The following FKBP6 variants were observed in gnomAD, a reference collection of about 807,000 sequenced individuals.
FKBP6 encodes the protein FKBP prolyl isomerase family member 6 (inactive).
A neutral mutation model predicts 41.7 loss-of-function variants in FKBP6; 29 were observed. The ratio of observed to expected loss-of-function variants is 0.70; its 90% CI spans 0.52 to 0.95. The LOEUF is 0.95. FKBP6 is among the 40% of genes least tolerant of loss of function. The pLI, the probability that FKBP6 is intolerant of heterozygous loss-of-function variation, is 0.00. For synonymous variants in FKBP6, 130 were observed against 165.1 expected (o/e 0.79, Z 1.63); for missense variants, 338 against 408.7 (o/e 0.83, Z 1.49).
At chr7:73,354,795 C>A (rs886617202) in intron 8 of FKBP6, among the ~76,000 whole-genome samples, 15 of 152,192 alleles carry the variant, frequency 9.9e-5, no homozygotes, top group African/African-American at 2.7e-4. Context: ...GTTCCAGGGT[C>A]TTCTCACCAG....
At chr7:73,345,965 A>G (rs1451908838) in intron 8 of FKBP6, among the ~76,000 whole-genome samples, 2 of 152,086 alleles carry the variant, frequency 1.3e-5, no homozygotes, top group Admixed American at 6.6e-5. Context: ...TAAAGGGAGA[A>G]ATTAGATCAC....
chr7:73,343,242 G>C (rs186005472), intron 8 of FKBP6, among the ~76,000 whole-genome samples: 1 of 152,300 alleles, frequency 6.6e-6, no homozygotes, highest in East Asian at 1.9e-4. Context: ...TGCAAGCTCC[G>C]CCTCCCAGGT....
At chr7:73,338,562 C>G (rs1805077641) in intron 5 of FKBP6, among the ~76,000 whole-genome samples, 1 of 152,176 alleles carries the variant, frequency 6.6e-6, no homozygotes, top group Non-Finnish European at 1.5e-5. Context: ...AAACTGCTTC[C>G]TACAGCAGCT....
intron 8 of FKBP6, among the ~76,000 whole-genome samples, chr7:73,345,452 C>T (rs564438181): frequency 1.3e-3 from 199 of 152,248 alleles, no homozygotes; most frequent in African/African-American, 4.5e-3. Context: ...AAAGTCCCTC[C>T]TCTTCCTGCC....
At chr7:73,339,089 T>TA (rs1246559246) in intron 5 of FKBP6, 3 of 152,226 alleles carry the variant, frequency 2.0e-5, no homozygotes, top group African/African-American at 7.2e-5. Context: ...GATAGTTTTT[T>TA]AAAAAAATAT....
chr7:73,338,280 C>A (rs1805068791), intron 5 of FKBP6, among the ~76,000 whole-genome samples: 1 of 152,196 alleles, frequency 6.6e-6, no homozygotes, highest in Non-Finnish European at 1.5e-5. Flanking sequence ...CCCACCTCAG[C>A]CTCCCAAAGT....
chr7:73,335,039 C>T (rs1554548297), intron 5 of FKBP6, among the ~76,000 whole-genome samples: 1 of 150,404 alleles, frequency 6.6e-6, no homozygotes, highest in Non-Finnish European at 1.5e-5. Flanking sequence ...GATGCTTCTA[C>T]TGAATTATGT....
chr7:73,330,885 C>T (rs971398239), intron 4 of FKBP6, among the ~76,000 whole-genome samples: 1 of 152,154 alleles, frequency 6.6e-6, no homozygotes, highest in Non-Finnish European at 1.5e-5. Context: ...AACCCTGTCC[C>T]GTAGATGCAG....
rs1805690684 is a variant in FKBP6, at chr7:73,358,249, C to T, written c.*71C>T. The T allele has an allele frequency of 6.6e-6, 1 of 152,108 alleles. No individual in the cohort carries two copies. Among genetic ancestry groups the T allele is most frequent in the Non-Finnish European group, 1.5e-5 (1 of 68,022 alleles). 9.4% of individuals were successfully genotyped at this position (152,108 alleles called of 1,614,324 possible). A position where few individuals can be genotyped will look rare whatever the true frequency, so the allele number is the denominator to read the frequency against. On this transcript the variant is annotated 3_prime_UTR_variant, in exon 9 of 9. Transcript: ENST00000252037. ...CATTGGGGGAGTGGAAGGGAGCTCC[C>T]AGCGCAGCCGTGGCAGCCACCTTCC...
At chr7:73,330,559 C>T (rs782746151) in intron 4 of FKBP6, among the ~76,000 whole-genome samples, 1 of 152,140 alleles carries the variant, frequency 6.6e-6, no homozygotes, top group African/African-American at 2.4e-5. Context: ...ATGTGCTGGG[C>T]AAGGTAAGGC....
At chr7:73,331,056 C>T (rs1554547605) in intron 4 of FKBP6, among the ~76,000 whole-genome samples, 1 of 152,182 alleles carries the variant, frequency 6.6e-6, no homozygotes, top group Non-Finnish European at 1.5e-5. Context: ...CACCCTTTTT[C>T]ATCATTCTGA....
intron 8 of FKBP6, among the ~76,000 whole-genome samples, chr7:73,349,574 C>T (rs1159420558): frequency 6.8e-6 from 1 of 147,136 alleles, no homozygotes; most frequent in Non-Finnish European, 1.5e-5. Context: ...AAAATACAGG[C>T]GTGGTGGCGC....
At chr7:73,340,999 C>T (rs1382520098) in intron 6 of FKBP6, among the ~76,000 whole-genome samples, 167 bp downstream of exon 6, 3 of 149,672 alleles carry the variant, frequency 2.0e-5, no homozygotes, top group African/African-American at 7.4e-5. Flanking sequence ...ATTCGGCTCG[C>T]TGCAACCTCC....
At chr7:73,352,150 G>A (rs1805506487) in intron 8 of FKBP6, among the ~76,000 whole-genome samples, 1 of 152,070 alleles carries the variant, frequency 6.6e-6, no homozygotes, top group South Asian at 2.1e-4. Context: ...TATTTTGTAA[G>A]ATGGGGTCTC....
chr7:73,332,121 C>G (rs916162278), intron 5 of FKBP6, among the ~76,000 whole-genome samples: 28 of 152,198 alleles, frequency 1.8e-4, no homozygotes, highest in South Asian at 4.2e-4. Context: ...ACCTCGGCCT[C>G]CCAAAGTGCT....
intron 8 of FKBP6, among the ~76,000 whole-genome samples, chr7:73,356,237 C>T (rs1554551923): frequency 6.6e-6 from 1 of 152,088 alleles, no homozygotes; most frequent in South Asian, 2.1e-4. Context: ...TCCATCCTGT[C>T]AGGATATGGA....
At chr7:73,339,360 C>G (rs1554549051) in intron 5 of FKBP6, among the ~76,000 whole-genome samples, 3 of 152,124 alleles carry the variant, frequency 2.0e-5, no homozygotes, top group Admixed American at 6.5e-5. Flanking sequence ...GTCTGGACAC[C>G]CTTATTGAAA....
At chr7:73,329,000 A>G (rs1336232655) in intron 2 of FKBP6, among the ~76,000 whole-genome samples, 1 of 150,844 alleles carries the variant, frequency 6.6e-6, no homozygotes, top group East Asian at 2.0e-4. Flanking sequence ...GATATGGGGG[A>G]CTCTATGTTG....
At chr7:73,350,798 T>C (rs4717085) in intron 8 of FKBP6, among the ~76,000 whole-genome samples, 18,978 of 152,066 alleles carry the variant, frequency 0.12, 1,311 homozygotes, top group Middle Eastern at 0.18. Context: ...CCAGTGCCAA[T>C]GCCGAGGCCA....
Sources: allele counts gnomAD v4.1 joint callset (sites outside exome capture counted in the v4.1 genomes callset), GRCh38; gene constraint gnomAD v4.1.1; transcripts MANE v1.5; gene names NCBI Gene and HGNC (gene_info 2026-07-23, HGNC 2026-07-21).